ZSWIM6: variants seen among roughly 807,000 people sequenced by gnomAD.
ZSWIM6 encodes zinc finger SWIM domain-containing protein 6.
In ZSWIM6, 9 loss-of-function variants were observed where a neutral mutation model predicts 113.2. The ratio of observed to expected loss-of-function variants is 0.08; its 90% CI spans 0.05 to 0.14. The LOEUF (loss-of-function observed/expected upper bound fraction) is 0.14. ZSWIM6 is among the 10% of genes least tolerant of loss of function. The pLI, the probability that ZSWIM6 is intolerant of heterozygous loss-of-function variation, is 1.00. For missense variants in ZSWIM6, 1,162 were observed against 1,552.2 expected (o/e 0.75, Z 4.22); for synonymous variants, 611 against 606.5 (o/e 1.01, Z -0.11).
intron 2 of ZSWIM6, among the ~76,000 whole-genome samples, chr5:61,487,200 G>T (rs2112208422): frequency 6.6e-6 from 1 of 152,148 alleles, no homozygotes; most frequent in East Asian, 1.9e-4. Flanking sequence ...TCAGTTCGTT[G>T]TAAATATGTG....
intron 10 of ZSWIM6, among the ~76,000 whole-genome samples, chr5:61,535,981 A>T (rs1749561813): frequency 6.6e-6 from 1 of 152,244 alleles, no homozygotes; most frequent in South Asian, 2.1e-4. Flanking sequence ...AATAGTAAAT[A>T]TACTGGCTTG....
intron 4 of ZSWIM6, among the ~76,000 whole-genome samples, chr5:61,514,277 T>A (rs1748872498): frequency 6.6e-6 from 1 of 151,894 alleles, no homozygotes; most frequent in African/African-American, 2.4e-5. Flanking sequence ...TAAGTGTTTT[T>A]TTTTTTTCAT....
At chr5:61,396,614 A>T (rs1745842848) in intron 1 of ZSWIM6, among the ~76,000 whole-genome samples, 1 of 152,158 alleles carries the variant, frequency 6.6e-6, no homozygotes, top group East Asian at 1.9e-4. Flanking sequence ...TTCTGAACAA[A>T]TGTAAGATGG....
intron 1 of ZSWIM6, among the ~76,000 whole-genome samples, chr5:61,449,218 A>G (rs1747033232): frequency 6.6e-6 from 1 of 152,208 alleles, no homozygotes; most frequent in African/African-American, 2.4e-5. Context: ...ATTTCTCTGA[A>G]GCTGGGAAAA....
chr5:61,480,510 C>T (rs780097606), intron 2 of ZSWIM6, among the ~76,000 whole-genome samples: 5 of 152,010 alleles, frequency 3.3e-5, no homozygotes, highest in Admixed American at 2.0e-4. Context: ...GGAGAGGACA[C>T]CACACTATAT....
At chr5:61,445,517 T>C (rs959118771) in intron 1 of ZSWIM6, among the ~76,000 whole-genome samples, 4 of 152,162 alleles carry the variant, frequency 2.6e-5, no homozygotes, top group Non-Finnish European at 1.5e-5. Flanking sequence ...AAAAAAATCA[T>C]TGGAAAGTAC....
At chr5:61,408,120 A>G (rs943928882) in intron 1 of ZSWIM6, among the ~76,000 whole-genome samples, 7 of 152,258 alleles carry the variant, frequency 4.6e-5, no homozygotes, top group African/African-American at 1.7e-4. Flanking sequence ...GTGGAATTCC[A>G]TGCAATTCTA....
intron 1 of ZSWIM6, chr5:61,375,460 A>G (rs914302011): frequency 2.6e-6 from 4 of 1,538,848 alleles, no homozygotes; most frequent in Non-Finnish European, 3.5e-6. Context: ...TTCTTCCAGC[A>G]GTTCTTCTGA....
chr5:61,398,986 G>A (rs1745895254), intron 1 of ZSWIM6, among the ~76,000 whole-genome samples: 1 of 137,174 alleles, frequency 7.3e-6, no homozygotes, highest in African/African-American at 2.7e-5. Context: ...GCAGTGGTGC[G>A]ATCTCTGCTC....
At chr5:61,363,947 TTC>T (rs1022189208) in intron 1 of ZSWIM6, among the ~76,000 whole-genome samples, 11 of 148,774 alleles carry the variant, frequency 7.4e-5, no homozygotes, top group South Asian at 2.1e-4. Context: ...TTCTTTTTCT[TTC>T]TCTCTCTCCT....
At chr5:61,333,017 CT>C in intron 1 of ZSWIM6, 69 bp downstream of exon 1, 1 of 1,110,062 alleles carries the variant, frequency 9.0e-7, no homozygotes, top group East Asian at 5.0e-5. Flanking sequence ...GGGTGCCCGC[CT>C]TTCTCCTGCG....
intron 1 of ZSWIM6, among the ~76,000 whole-genome samples, chr5:61,379,317 T>C (rs1480779375): frequency 1.3e-5 from 2 of 152,114 alleles, no homozygotes; most frequent in Non-Finnish European, 2.9e-5. Flanking sequence ...AGGCTAGACC[T>C]CGTGTAGGGA....
chr5:61,425,925 A>G (rs1431409468), intron 1 of ZSWIM6, among the ~76,000 whole-genome samples: 1 of 152,220 alleles, frequency 6.6e-6, no homozygotes, highest in East Asian at 1.9e-4. Flanking sequence ...TTCATTTAGT[A>G]AGAAATGGGC....
chr5:61,492,564 A>G (rs1284751790), intron 3 of ZSWIM6, among the ~76,000 whole-genome samples: 1 of 152,136 alleles, frequency 6.6e-6, no homozygotes, highest in Non-Finnish European at 1.5e-5. Context: ...AAAATTAAAT[A>G]GTAAGTATCA....
chr5:61,518,067 C>T (rs370003883), intron 4 of ZSWIM6, among the ~76,000 whole-genome samples: 7 of 151,286 alleles, frequency 4.6e-5, no homozygotes, highest in African/African-American at 1.7e-4. Flanking sequence ...TGATAGTTTA[C>T]TGAGAATGAT....
intron 1 of ZSWIM6, among the ~76,000 whole-genome samples, chr5:61,431,205 A>G (rs559982594): frequency 2.0e-5 from 3 of 151,866 alleles, no homozygotes; most frequent in African/African-American, 7.2e-5. Context: ...CCCTGTCTCT[A>G]CTAAAATACA....
chr5:61,364,408 A>G (rs1373720623), intron 1 of ZSWIM6, among the ~76,000 whole-genome samples: 3 of 152,228 alleles, frequency 2.0e-5, no homozygotes, highest in Non-Finnish European at 4.4e-5. Context: ...CTGCAAACTA[A>G]GAATGTTTTT....
In ZSWIM6 at chr5:61,526,073, A is replaced by G. The variant is rs1023779113; in HGVS notation, c.1690+97A>G. ...GGGAGGTGGAGAACTGAAGGATTCA[A>G]TGGGAGATGGATGAATGCTTGGCAA... is the stretch of plus-strand genomic sequence containing the variant. On this transcript the variant is annotated intron_variant, in intron 6 of 13. Transcript: ENST00000252744. 2.1e-5 allele frequency: 30 copies of G among 1,451,814 alleles called. No homozygotes were observed. In the East Asian group the frequency reaches 4.2e-4, roughly 20 times the overall value. 89.9% of individuals were successfully genotyped at this position (1,451,814 alleles called of 1,614,324 possible). A position where few individuals can be genotyped will look rare whatever the true frequency, so the allele number is the denominator to read the frequency against.
intron 1 of ZSWIM6, among the ~76,000 whole-genome samples, chr5:61,337,936 T>C (rs1744438367): frequency 6.6e-6 from 1 of 152,152 alleles, no homozygotes; most frequent in African/African-American, 2.4e-5. Context: ...CCTTGAGTTT[T>C]TAATTTATAT....
Sources: gnomAD v4.1 joint callset for allele counts (sites outside exome capture counted in the v4.1 genomes callset) on GRCh38, gnomAD v4.1.1 for gene constraint, MANE v1.5 for transcripts, NCBI Gene and HGNC (gene_info 2026-07-23, HGNC 2026-07-21) for gene names.